The following WWTR1 variants were observed in gnomAD, a reference collection of about 807,000 sequenced individuals.
WWTR1 encodes WW domain containing transcription regulator 1.
In WWTR1, 13 loss-of-function variants were observed where a neutral mutation model predicts 40.1. The observed-to-expected ratio is 0.32, with a 90% CI of 0.21 to 0.52. The LOEUF is 0.52. Ranked by LOEUF, WWTR1 falls within the 20% of genes least tolerant of loss-of-function variation. The pLI, the probability that WWTR1 is intolerant of heterozygous loss-of-function variation, is 0.97. For synonymous variants in WWTR1, 230 were observed against 210.1 expected, an observed-to-expected ratio of 1.09 and a Z score of -0.82; for missense variants, 436 against 523.1, an observed-to-expected ratio of 0.83 and a Z score of 1.63.
Position 149,594,950 on chromosome 3 carries a change from C to CTTTTTT in WWTR1, c.432-21956_432-21951dup, listed in dbSNP as rs563658190. 1.8e-3 allele frequency among the ~76,000 whole-genome samples: 110 copies of CTTTTTT among 61,782 alleles called. 9 individuals carry two copies. The highest frequency in any genetic ancestry group is 2.4e-3 in the Non-Finnish European group (69 of 29,044). The allele number at this position is 61,782 out of a possible 152,430, so 40.5% of individuals were successfully genotyped here. A position where few individuals can be genotyped will look rare whatever the true frequency, so the allele number is the denominator to read the frequency against. On this transcript the variant is annotated intron_variant, in intron 2 of 6. Transcript: ENST00000360632. The stretch of plus-strand genomic sequence containing the variant: ...CATATTGCCTATAACCTCTTTTTTA[C>CTTTTTT]TTTTTTTTTTTTTTTTTTTTTTTTT...
At chr3:149,543,045 C>T (rs1224761445) in intron 3 of WWTR1, among the ~76,000 whole-genome samples, 1 of 152,102 alleles carries the variant, frequency 6.6e-6, no homozygotes, top group Non-Finnish European at 1.5e-5. Context: ...ATAAGGAGGA[C>T]TCCATTAATC....
intron 4 of WWTR1, among the ~76,000 whole-genome samples, chr3:149,531,088 C>T (rs145042406): frequency 0.045 from 6,843 of 152,220 alleles, 203 homozygotes; most frequent in Non-Finnish European, 0.064. Flanking sequence ...GCATGTGCCA[C>T]CACGCCCAGC....
Position 149,572,922 on chromosome 3 carries a change from A to T in WWTR1, c.510T>A (p.Pro170=), listed in dbSNP as rs780584391. ...GAGGCACTGGTGTGGAACTGACGGC[A>T]GGGTGGAGGTTCATATGATTCAGAG... The part of the protein sequence containing the change: ...NQPLNHMNLH[P]AVSSTPVPQR... Residue 170 remains proline, a synonymous_variant, in exon 3 of 7, where the codon CCT becomes CCA. Coordinates refer to ENST00000360632, the MANE Select transcript of WWTR1 (RefSeq NM_015472.6). 1 of 1,613,920 alleles carries T rather than the reference A, an allele frequency of 6.2e-7. No homozygotes were observed. The highest frequency in any genetic ancestry group is 2.2e-5 in the East Asian group (1 of 44,872).
chr3:149,692,799 A>G (rs965092927), intron 1 of WWTR1, among the ~76,000 whole-genome samples: 4 of 151,974 alleles, frequency 2.6e-5, no homozygotes, highest in Admixed American at 6.5e-5. Flanking sequence ...GCACACAGCT[A>G]ATTTTTGTAT....
intron 2 of WWTR1, among the ~76,000 whole-genome samples, chr3:149,639,034 G>A (rs1712002099): frequency 6.6e-6 from 1 of 152,124 alleles, no homozygotes; most frequent in South Asian, 2.1e-4. Flanking sequence ...CTGCCGTGAA[G>A]AACCACTAAA....
intron 2 of WWTR1, among the ~76,000 whole-genome samples, chr3:149,593,696 C>A (rs867252897): frequency 6.6e-6 from 1 of 152,240 alleles, no homozygotes; most frequent in Middle Eastern, 3.4e-3. Context: ...GATAACTTAA[C>A]CTTTAGTGTT....
In WWTR1 at chr3:149,577,861, G is replaced by C. The variant is rs140342081; in HGVS notation, c.432-4861C>G. Among the ~76,000 whole-genome samples, 37 of 152,212 alleles carry C rather than the reference G, an allele frequency of 2.4e-4. No homozygotes were observed. The East Asian group carries it at 6.8e-3, about 28-fold the overall frequency. On this transcript the variant is annotated intron_variant, in intron 2 of 6. Transcript: ENST00000360632. Reference sequence around the variant, plus strand: ...ACTGGCCTCCCCATCAGCCTGCGGAGGGGGTGTTAACTTTGCTCCAGTTTC... The same window carrying C: ...ACTGGCCTCCCCATCAGCCTGCGGACGGGGTGTTAACTTTGCTCCAGTTTC...
In WWTR1 at chr3:149,695,794, A is replaced by AAAATAT. The variant is rs1553735126; in HGVS notation, c.-108+7329_-108+7330insATATTT. Among the ~76,000 whole-genome samples, 37 of 140,810 alleles carry AAAATAT rather than the reference A, an allele frequency of 2.6e-4. No individual in the cohort carries two copies. In the East Asian group the frequency reaches 5.9e-3, roughly 22 times the overall value. 92.4% of individuals were successfully genotyped at this position (140,810 alleles called of 152,430 possible). A position where few individuals can be genotyped will look rare whatever the true frequency, so the allele number is the denominator to read the frequency against. ...AAAAAACAAGAAAAGAAAAGAAAAA[A>AAAATAT]ATATATATATATATATTTAAAAAAG... On this transcript the variant is annotated intron_variant, in intron 1 of 7. Transcript: ENST00000465804.
chr3:149,643,188 C>A (rs1187540355), intron 2 of WWTR1, among the ~76,000 whole-genome samples: 1 of 152,206 alleles, frequency 6.6e-6, no homozygotes, highest in Non-Finnish European at 1.5e-5. Flanking sequence ...TCTGAGTCCC[C>A]TTTGCCAGGT....
chr3:149,676,732 A>G (rs993034774), intron 1 of WWTR1, among the ~76,000 whole-genome samples: 18 of 152,046 alleles, frequency 1.2e-4, no homozygotes, highest in Non-Finnish European at 1.5e-5. Flanking sequence ...TGCTTGCCAC[A>G]CACCACTGAC....
At position 149,622,504 on chromosome 3, in the gene WWTR1, A is replaced by AG. The variant is rs397962361; in HGVS notation, c.431+34371dup. On this transcript the variant is annotated intron_variant, in intron 2 of 6. Transcript: ENST00000360632. ...AAGGAAGGAAGGAAGGAAGGAAGGAAGAAAGAAAGAAAGAAAGAAAGAAAG... is the reference window on the plus strand; with the variant it reads ...AAGGAAGGAAGGAAGGAAGGAAGGAAGGAAAGAAAGAAAGAAAGAAAGAAAG... Among the ~76,000 whole-genome samples the AG allele has an allele frequency of 8.0e-3, 1,078 of 134,004 alleles. 5 individuals carry two copies. The highest frequency in any genetic ancestry group is 0.011 in the Non-Finnish European group (668 of 61,202). 87.9% of individuals were successfully genotyped at this position (134,004 alleles called of 152,430 possible).
intron 2 of WWTR1, among the ~76,000 whole-genome samples, chr3:149,641,152 AACAG>A (rs1472394269): frequency 1.3e-5 from 2 of 151,948 alleles, no homozygotes; most frequent in Non-Finnish European, 2.9e-5. Flanking sequence ...CACTGTACAA[AACAG>A]ACATTGTTTT....
At chr3:149,674,987 T>C (rs1162162502) in intron 1 of WWTR1, among the ~76,000 whole-genome samples, 1 of 152,224 alleles carries the variant, frequency 6.6e-6, no homozygotes, top group Non-Finnish European at 1.5e-5. Flanking sequence ...AAAATTGTGA[T>C]GGAAAAAATG....
At chr3:149,555,863 A>G (rs182842651) in intron 3 of WWTR1, among the ~76,000 whole-genome samples, 1 of 152,370 alleles carries the variant, frequency 6.6e-6, no homozygotes, top group East Asian at 1.9e-4. Context: ...ACAAATGTAC[A>G]GAATAATTTT....
At chr3:149,609,504 CAT>C (rs1245173393) in intron 2 of WWTR1, among the ~76,000 whole-genome samples, 1 of 152,120 alleles carries the variant, frequency 6.6e-6, no homozygotes, top group Admixed American at 6.6e-5. Flanking sequence ...TATTTTGTGA[CAT>C]ATGAAAATTC....
At chr3:149,622,521 G>GA (rs1209155641) in intron 2 of WWTR1, among the ~76,000 whole-genome samples, 1 of 149,316 alleles carries the variant, frequency 6.7e-6, no homozygotes, top group African/African-American at 2.5e-5. Context: ...AAGAAAGAAA[G>GA]AAAGAAAGAA....
Position 149,656,789 on chromosome 3 carries a change from T to A in WWTR1, c.431+87A>T, listed in dbSNP as rs145173717. 217,706 of 769,020 alleles carry A rather than the reference T, an allele frequency of 0.28. 41,305 individuals are homozygous for A. The highest frequency in any genetic ancestry group is 0.44 in the Middle Eastern group (992 of 2,238). The allele number at this position is 769,020 out of a possible 1,614,324, so 47.6% of individuals were successfully genotyped here. On this transcript the variant is annotated intron_variant, in intron 2 of 6. Transcript: ENST00000360632. Reference sequence around the variant, plus strand: ...TTCTCTCTCTCTCTCTCTCTCTCTCTCTCACACACACACACACACACACAC... The same window carrying A: ...TTCTCTCTCTCTCTCTCTCTCTCTCACTCACACACACACACACACACACAC...
intron 4 of WWTR1, chr3:149,541,143 A>T: frequency 2.4e-6 from 1 of 425,460 alleles, no homozygotes; most frequent in South Asian, 1.7e-5. Flanking sequence ...CACAAAACAA[A>T]GTCTGAAAAG....
At chr3:149,647,576 G>T (rs1456463014) in intron 2 of WWTR1, among the ~76,000 whole-genome samples, 1 of 152,222 alleles carries the variant, frequency 6.6e-6, no homozygotes, top group Non-Finnish European at 1.5e-5. Flanking sequence ...AGAAATGATA[G>T]ATCCAGCAGG....
Sources: gnomAD v4.1 joint callset for allele counts (sites outside exome capture counted in the v4.1 genomes callset) on GRCh38, gnomAD v4.1.1 for gene constraint, MANE v1.5 for transcripts, NCBI Gene and HGNC (gene_info 2026-07-23, HGNC 2026-07-21) for gene names.